SEMA3D: variants seen among roughly 807,000 people sequenced by gnomAD.
The protein encoded by SEMA3D is semaphorin 3D, also known as semaphorin-3D.
A neutral mutation model predicts 100.1 loss-of-function variants in SEMA3D; 84 were observed. The ratio of observed to expected loss-of-function variants is 0.84; its 90% CI spans 0.70 to 1.01. The LOEUF is 1.01. SEMA3D is among the 50% of genes least tolerant of loss of function. SEMA3D has a pLI of 0.00. For synonymous variants in SEMA3D, 312 were observed against 320.7 expected, an observed-to-expected ratio of 0.97 and a Z score of 0.29; for missense variants, 875 against 934.1, an observed-to-expected ratio of 0.94 and a Z score of 0.82.
intron 9 of SEMA3D, chr7:85,050,619 G>A (rs553343314): frequency 4.8e-6 from 2 of 414,188 alleles, no homozygotes; most frequent in East Asian, 7.2e-5. Flanking sequence ...TATTTATTGT[G>A]TCTCTCTTCA....
At chr7:85,119,197 G>C (rs1789336607) in intron 3 of SEMA3D, among the ~76,000 whole-genome samples, 1 of 152,164 alleles carries the variant, frequency 6.6e-6, no homozygotes, top group South Asian at 2.1e-4. Flanking sequence ...CATTGTGGAA[G>C]ACAGTGTGGC....
chr7:85,108,411 G>C (rs888378696), intron 3 of SEMA3D, among the ~76,000 whole-genome samples: 2 of 152,018 alleles, frequency 1.3e-5, no homozygotes, highest in African/African-American at 4.8e-5. Flanking sequence ...GCAGTCACAA[G>C]GGGTTCCTTT....
intron 8 of SEMA3D, among the ~76,000 whole-genome samples, chr7:85,057,774 T>C (rs2116094407): frequency 6.6e-6 from 1 of 151,978 alleles, no homozygotes; most frequent in East Asian, 1.9e-4. Flanking sequence ...CTACTAAAAA[T>C]ACAAAAGTTA....
the SEMA3D span, among the ~76,000 whole-genome samples, chr7:85,250,218 C>A: frequency 1.3e-5 from 2 of 149,630 alleles, no homozygotes; most frequent in East Asian, 2.0e-4. Context: ...GAGGGTCCTA[C>A]GTCCACGGAG....
intron 1 of SEMA3D, among the ~76,000 whole-genome samples, chr7:85,165,726 T>A (rs1326658962): frequency 1.3e-5 from 2 of 152,122 alleles, no homozygotes; most frequent in Non-Finnish European, 2.9e-5. Flanking sequence ...TAATTCCCTT[T>A]AAACTAAGAA....
chr7:85,073,117 A>T lies in SEMA3D; in HGVS notation c.376-36T>A, dbSNP rs753512727. On this transcript the variant is annotated intron_variant, in intron 5 of 18. Transcript: ENST00000284136. ...CAAAAATTAAAAGCATTAACACACA[A>T]TTCAGGTTTTTGAAATATTATCATT... The T allele has an allele frequency of 5.6e-6, 9 of 1,597,566 alleles. No individual in the cohort carries two copies. In the South Asian group the frequency reaches 8.0e-5, roughly 14 times the overall value.
intron 5 of SEMA3D, among the ~76,000 whole-genome samples, chr7:85,081,089 T>A (rs1372432901): frequency 6.6e-6 from 1 of 152,192 alleles, no homozygotes; most frequent in South Asian, 2.1e-4. Flanking sequence ...ATTTTAAGTT[T>A]AATTTGAACT....
At chr7:85,117,555 G>T (rs2116388688) in intron 3 of SEMA3D, among the ~76,000 whole-genome samples, 1 of 152,216 alleles carries the variant, frequency 6.6e-6, no homozygotes, top group Admixed American at 6.5e-5. Context: ...AAGGCAGGCA[G>T]ATTGCCTGAG....
In SEMA3D at chr7:85,000,550, T is replaced by C. The variant is rs1304259084; in HGVS notation, c.1909-685A>G. ...AACATTGAAAGCTGAATTTCTCTCT[T>C]TGCTGTGGATTGAATTTTCATACTG... On this transcript the variant is annotated intron_variant, in intron 18 of 18. Transcript: ENST00000284136. 1.3e-5 allele frequency among the ~76,000 whole-genome samples: 2 copies of C among 152,190 alleles called. 1 individual carries two copies. Among genetic ancestry groups the C allele is most frequent in the Non-Finnish European group, 2.9e-5 (2 of 68,032 alleles).
At chr7:85,041,079 A>G in intron 10 of SEMA3D, 1 of 161,364 alleles carries the variant, frequency 6.2e-6, no homozygotes, top group Non-Finnish European at 1.2e-5. Context: ...TTTTTTTTTG[A>G]TGGAGTCTTG....
At chr7:85,024,420 T>A (rs1371657805) in intron 12 of SEMA3D, among the ~76,000 whole-genome samples, 1 of 151,924 alleles carries the variant, frequency 6.6e-6, no homozygotes, top group Non-Finnish European at 1.5e-5. Flanking sequence ...ATCATGACAT[T>A]CAAGCCGTAG....
intron 1 of SEMA3D, among the ~76,000 whole-genome samples, chr7:85,164,027 T>A (rs1229541344): frequency 6.6e-6 from 1 of 152,174 alleles, no homozygotes; most frequent in African/African-American, 2.4e-5. Context: ...ACTCTACACA[T>A]CTTATTTCAG....
chr7:85,062,796 C>T (rs1047716628), intron 8 of SEMA3D, among the ~76,000 whole-genome samples: 27 of 152,070 alleles, frequency 1.8e-4, no homozygotes, highest in South Asian at 4.2e-4. Context: ...ATTTTTGAGG[C>T]CACTTAGTTA....
intron 3 of SEMA3D, among the ~76,000 whole-genome samples, chr7:85,116,479 T>A (rs1038375949): frequency 6.7e-6 from 1 of 149,214 alleles, no homozygotes; most frequent in Admixed American, 6.7e-5. Context: ...CTATATAAAT[T>A]GTTTTATATA....
At chr7:85,194,496 G>T in the SEMA3D span, among the ~76,000 whole-genome samples, 1 of 81,364 alleles carries the variant, frequency 1.2e-5, no homozygotes. Context: ...CTGTTGATAT[G>T]CAAACAGAAA....
intron 9 of SEMA3D, among the ~76,000 whole-genome samples, chr7:85,046,429 A>G (rs1307381615): frequency 6.6e-6 from 1 of 151,852 alleles, no homozygotes; most frequent in African/African-American, 2.4e-5. Flanking sequence ...GAACAAAATA[A>G]TCTTACCTAC....
chr7:85,006,782 C>G lies in SEMA3D; in HGVS notation c.1908+20G>C. 6.4e-7 allele frequency: 1 copy of G among 1,560,912 alleles called. No homozygotes were observed. Among genetic ancestry groups the G allele is most frequent in the Non-Finnish European group, 8.7e-7 (1 of 1,148,636 alleles). On this transcript the variant is annotated intron_variant, in intron 18 of 18. Transcript: ENST00000284136. ...CACTATTTCCCTCAAAGTGAGTATT[C>G]TTTGATGACAACAGCTTACCTCCTC...
intron 3 of SEMA3D, among the ~76,000 whole-genome samples, chr7:85,101,195 T>C (rs896811761): frequency 4.6e-5 from 7 of 152,028 alleles, no homozygotes; most frequent in Admixed American, 2.0e-4. Flanking sequence ...GGCAATTCTA[T>C]GTCTTCCATG....
intron 17 of SEMA3D, among the ~76,000 whole-genome samples, chr7:85,010,932 A>G (rs1789934508): frequency 6.6e-6 from 1 of 151,816 alleles, no homozygotes; most frequent in Non-Finnish European, 1.5e-5. Flanking sequence ...TTAAAAGGTG[A>G]GATGAAAAGG....
Sources: allele counts gnomAD v4.1 joint callset (sites outside exome capture counted in the v4.1 genomes callset), GRCh38; gene constraint gnomAD v4.1.1; transcripts MANE v1.5; gene names NCBI Gene and HGNC (gene_info 2026-07-23, HGNC 2026-07-21).